ZNF730: variants seen among roughly 807,000 people sequenced by gnomAD.
ZNF730 encodes zinc finger protein 730.
In ZNF730, 12 loss-of-function variants were observed where a neutral mutation model predicts 12.6. The observed-to-expected ratio is 0.95, with a 90% CI of 0.61 to 1.54. The LOEUF (loss-of-function observed/expected upper bound fraction) is 1.54, where lower values mean the gene tolerates loss of function less well. ZNF730 is among the 40% of genes most tolerant of loss of function. ZNF730 has a pLI of 0.00. For synonymous variants in ZNF730, 194 were observed against 195.8 expected, an observed-to-expected ratio of 0.99 and a Z score of 0.08; for missense variants, 643 against 583.5, an observed-to-expected ratio of 1.10 and a Z score of -1.05.
chr19:23,114,271 T>G (rs946870106), upstream of ZNF730, among the ~76,000 whole-genome samples: 2 of 151,582 alleles, frequency 1.3e-5, no homozygotes, highest in Non-Finnish European at 2.9e-5. Flanking sequence ...TCTGTTAAAT[T>G]TAGTTTATCT....
At chr19:23,101,168 G>A (rs1236963883) in intron 1 of ZNF730, among the ~76,000 whole-genome samples, 3 of 152,108 alleles carry the variant, frequency 2.0e-5, no homozygotes, top group African/African-American at 7.2e-5. Flanking sequence ...TAGCACATGC[G>A]TGAGATTTTG....
At chr19:23,116,421 C>T (rs575131698), upstream of ZNF730, among the ~76,000 whole-genome samples, 1 of 147,264 alleles carries the variant, frequency 6.8e-6, no homozygotes, top group African/African-American at 2.5e-5. Flanking sequence ...TCCTCCTTTC[C>T]TTCCTTCCTT....
intron 1 of ZNF730, among the ~76,000 whole-genome samples, chr19:23,093,821 G>C (rs552455992): frequency 6.6e-6 from 1 of 152,322 alleles, no homozygotes; most frequent in African/African-American, 2.4e-5. Context: ...TGGGAAGGAA[G>C]GTTGGCAACT....
Position 23,146,120 on chromosome 19 carries a change from A to AGAT in ZNF730, c.1077_1079dup (p.Lys359_Ile360insMet), listed in dbSNP as rs1971005348. ...CGATCCTCAACCCTTAATAGACATA[A>AGAT]GATAACTCATACTGGAGGGAAACCC... On this transcript the variant is annotated inframe_insertion, in exon 4 of 4. Coordinates refer to ENST00000597761, the MANE Select transcript of ZNF730 (RefSeq NM_001277403.2). 2.5e-6 allele frequency: 4 copies of AGAT among 1,609,920 alleles called. No individual in the cohort carries two copies. The highest frequency in any genetic ancestry group is 1.7e-4 in the Middle Eastern group (1 of 6,030).
intron 1 of ZNF730, among the ~76,000 whole-genome samples, chr19:23,088,030 G>T (rs555107287): frequency 2.0e-5 from 3 of 151,290 alleles, no homozygotes; most frequent in South Asian, 4.2e-4. Context: ...TGTTTGTTTG[G>T]TTTTTTGAGA....
At chr19:23,084,113 G>A (rs1412267203) in intron 1 of ZNF730, among the ~76,000 whole-genome samples, 1 of 152,102 alleles carries the variant, frequency 6.6e-6, no homozygotes, top group Non-Finnish European at 1.5e-5. Context: ...GAGGGGTAGG[G>A]ATCTGGTTAT....
intron 1 of ZNF730, among the ~76,000 whole-genome samples, chr19:23,085,105 C>T (rs1451798703): frequency 6.6e-6 from 1 of 152,148 alleles, no homozygotes; most frequent in Non-Finnish European, 1.5e-5. Context: ...TCTTTTCCTC[C>T]ACAACCTCGT....
intron 1 of ZNF730, among the ~76,000 whole-genome samples, chr19:23,076,583 T>G (rs1189181544): frequency 6.6e-6 from 1 of 152,164 alleles, no homozygotes; most frequent in African/African-American, 2.4e-5. Context: ...GGGTCATTTC[T>G]TAGAGGGCAG....
intron 1 of ZNF730, among the ~76,000 whole-genome samples, chr19:23,082,885 G>T (rs1304189215): frequency 6.6e-6 from 1 of 151,892 alleles, no homozygotes; most frequent in Non-Finnish European, 1.5e-5. Context: ...GTTTTTAGGG[G>T]ACGGGGTTTC....
chr19:23,145,650 A>G lies in ZNF730; in HGVS notation c.606A>G (p.Lys202=), dbSNP rs1302968936. 19 of 1,554,558 alleles carry G rather than the reference A, an allele frequency of 1.2e-5. No homozygotes were observed. The highest frequency in any genetic ancestry group is 1.6e-5 in the Non-Finnish European group (18 of 1,151,116). The change falls in exon 4 of 4, where the codon AAA becomes AAG. Residue 202 remains lysine, a synonymous_variant. Coordinates refer to ENST00000597761, the MANE Select transcript of ZNF730 (RefSeq NM_001277403.2). The part of the protein sequence containing the change: ...KKIHTGEKSY[K]CEEYGKAFNE... Reference sequence around the variant, plus strand: ...TTCATACTGGAGAGAAATCCTACAAATGTGAAGAATATGGCAAAGCCTTTA... The same window carrying G: ...TTCATACTGGAGAGAAATCCTACAAGTGTGAAGAATATGGCAAAGCCTTTA...
At chr19:23,116,504 T>C (rs572649779), upstream of ZNF730, among the ~76,000 whole-genome samples, 11 of 151,266 alleles carry the variant, frequency 7.3e-5, no homozygotes, top group African/African-American at 2.4e-4. Flanking sequence ...CCTCCTGGGT[T>C]CAAGCGATTC....
intron 1 of ZNF730, chr19:23,098,333 C>T (rs1223867184): frequency 6.6e-6 from 1 of 152,138 alleles, no homozygotes; most frequent in Non-Finnish European, 1.5e-5. Flanking sequence ...TTTTCTTCAT[C>T]ACCTAGGTTA....
At chr19:23,098,081 T>G (rs7507850) in intron 1 of ZNF730, among the ~76,000 whole-genome samples, 42,809 of 151,402 alleles carry the variant, frequency 0.28, 6,592 homozygotes, top group African/African-American at 0.4. Context: ...GAAGTGGAGG[T>G]TGTGGTGAGC....
At chr19:23,139,890 T>C (rs377625591) in intron 3 of ZNF730, among the ~76,000 whole-genome samples, 6 of 152,196 alleles carry the variant, frequency 3.9e-5, no homozygotes, top group South Asian at 2.1e-4. Flanking sequence ...ATTTCTGTTA[T>C]TATTGTTTTG....
intron 1 of ZNF730, among the ~76,000 whole-genome samples, chr19:23,084,378 A>T (rs1970020837): frequency 6.6e-6 from 1 of 152,204 alleles, no homozygotes; most frequent in Non-Finnish European, 1.5e-5. Context: ...TTTAAAAAAA[A>T]TGTATAAAAA....
intron 3 of ZNF730, among the ~76,000 whole-genome samples, chr19:23,139,508 A>G (rs926914097): frequency 1.3e-5 from 2 of 151,948 alleles, no homozygotes; most frequent in Non-Finnish European, 1.5e-5. Context: ...TATCTAGACA[A>G]ACTCTTTTTT....
chr19:23,081,246 G>GTGATTCTCGA (rs1427266677), intron 1 of ZNF730, among the ~76,000 whole-genome samples: 6 of 151,848 alleles, frequency 4.0e-5, no homozygotes, highest in Non-Finnish European at 8.8e-5. Context: ...CTGGGTTCAA[G>GTGATTCTCGA]TGATTCTCGT....
intron 3 of ZNF730, among the ~76,000 whole-genome samples, chr19:23,143,079 C>T (rs1170188553): frequency 6.6e-6 from 1 of 151,956 alleles, no homozygotes; most frequent in Admixed American, 6.6e-5. Context: ...CCTGTCTCTA[C>T]TAAAAACACA....
At chr19:23,134,283 A>G in intron 2 of ZNF730, 77 bp downstream of exon 2, 1 of 1,272,466 alleles carries the variant, frequency 7.9e-7, no homozygotes. Context: ...CTGTGCTTTC[A>G]GATCCCGGGT....
Sources: allele counts gnomAD v4.1 joint callset (sites outside exome capture counted in the v4.1 genomes callset), GRCh38; gene constraint gnomAD v4.1.1; transcripts MANE v1.5; gene names NCBI Gene and HGNC (gene_info 2026-07-23, HGNC 2026-07-21).